The following COQ9 variants were observed in gnomAD, a reference collection of about 807,000 sequenced individuals.
COQ9 encodes the protein coenzyme Q9.
Under a neutral mutation model 42.4 loss-of-function variants are expected in COQ9, and 35 were observed. The ratio of observed to expected loss-of-function variants is 0.83; its 90% CI spans 0.63 to 1.10. COQ9 has a LOEUF of 1.10. Ranked by LOEUF, COQ9 falls within the 50% of genes least tolerant of loss-of-function variation. The probability of loss-of-function intolerance (pLI) is 0.00; values close to 1 mark genes in which losing one functional copy is unlikely to be tolerated. For synonymous variants in COQ9, 155 were observed against 155.1 expected, an observed-to-expected ratio of 1.00 and a Z score of 0.00; for missense variants, 406 against 414.6, an observed-to-expected ratio of 0.98 and a Z score of 0.18.
intron 1 of COQ9, among the ~76,000 whole-genome samples, chr16:57,448,666 G>A (rs2030200503): frequency 6.6e-6 from 1 of 152,066 alleles, no homozygotes; most frequent in African/African-American, 2.4e-5. Flanking sequence ...GCCTGCCTCA[G>A]CCTCCCAAAG....
intron 8 of COQ9, 64 bp downstream of exon 8, chr16:57,460,168 T>A (rs2030502889): frequency 6.7e-7 from 1 of 1,493,846 alleles, no homozygotes; most frequent in Non-Finnish European, 9.3e-7. Context: ...GATACATGTG[T>A]TACTGACTTC....
chr16:57,457,066 C>A, intron 5 of COQ9, 51 bp downstream of exon 5: 3 of 1,352,556 alleles, frequency 2.2e-6, no homozygotes, highest in Non-Finnish European at 3.2e-6. Context: ...TAATATTTAT[C>A]ATTCTCAGCA....
chr16:57,455,212 G>T (rs112411135), intron 3 of COQ9, among the ~76,000 whole-genome samples: 1 of 151,918 alleles, frequency 6.6e-6, no homozygotes, highest in African/African-American at 2.4e-5. Context: ...TAAGGTGAAG[G>T]CCATTGGAAG....
chr16:57,454,913 G>A (rs2030368144), intron 3 of COQ9, among the ~76,000 whole-genome samples: 1 of 152,142 alleles, frequency 6.6e-6, no homozygotes, highest in African/African-American at 2.4e-5. Flanking sequence ...ATCAGGCAAG[G>A]TCCTAAAGGT....
chr16:57,448,584 T>A (rs1164009407), intron 1 of COQ9, among the ~76,000 whole-genome samples: 1 of 151,996 alleles, frequency 6.6e-6, no homozygotes, highest in East Asian at 1.9e-4. Flanking sequence ...CCCAGCTAAT[T>A]TTTTATTTTT....
In COQ9 at chr16:57,456,809, G is replaced by A. The variant is rs223865; in HGVS notation, c.522-122G>A. On this transcript the variant is annotated intron_variant, in intron 4 of 8. Coordinates refer to ENST00000262507, the MANE Select transcript of COQ9 (RefSeq NM_020312.4). ...TGAAACCTGGCAGCCTGTCTCTGAC[G>A]GCTTTAGTCAGGCCAGCGTCAGGAG... The A allele has an allele frequency of 0.74, 942,039 of 1,273,434 alleles. 352,561 individuals are homozygous for A. The highest frequency in any genetic ancestry group is 0.94 in the African/African-American group (64,203 of 68,188). 78.9% of individuals were successfully genotyped at this position (1,273,434 alleles called of 1,614,324 possible). A position where few individuals can be genotyped will look rare whatever the true frequency, so the allele number is the denominator to read the frequency against.
chr16:57,454,079 C>T (rs2030348349), intron 3 of COQ9: 1 of 152,164 alleles, frequency 6.6e-6, no homozygotes, highest in Non-Finnish European at 1.5e-5. Flanking sequence ...GGGACCCGAT[C>T]ATTAGATCAG....
In COQ9 at chr16:57,453,073, C is replaced by A. The variant is rs55918522; in HGVS notation, c.378+137C>A. On this transcript the variant is annotated intron_variant, in intron 3 of 8. Coordinates refer to ENST00000262507, the MANE Select transcript of COQ9 (RefSeq NM_020312.4). ...AGCTGCAAGATTGACTGGTTTTTTTCCCCCAATAGGGTGGAACTGGCTTTA... is the reference window on the plus strand; with the variant it reads ...AGCTGCAAGATTGACTGGTTTTTTTACCCCAATAGGGTGGAACTGGCTTTA... 7.9e-6 allele frequency: 9 copies of A among 1,138,292 alleles called. No homozygotes were observed. The African/African-American group carries it at 1.2e-4, about 15-fold the overall frequency. The allele number at this position is 1,138,292 out of a possible 1,614,324, so 70.5% of individuals were successfully genotyped here. A position where few individuals can be genotyped will look rare whatever the true frequency, so the allele number is the denominator to read the frequency against.
chr16:57,456,904 C>G, intron 4 of COQ9, 27 bp from the exon 5 acceptor site: 1 of 1,591,850 alleles, frequency 6.3e-7, no homozygotes, highest in Non-Finnish European at 8.6e-7. Context: ...CACTCAGAGA[C>G]ACACTGTTTT....
At chr16:57,457,130 A>G (rs746761234) in intron 5 of COQ9, 115 bp downstream of exon 5, 11 of 841,206 alleles carry the variant, frequency 1.3e-5, no homozygotes, top group Non-Finnish European at 2.2e-5. Context: ...CTCAATCTCT[A>G]TAAACCCGAC....
intron 5 of COQ9, chr16:57,457,506 A>G (rs1192275108): frequency 1.0e-5 from 3 of 295,010 alleles, no homozygotes; most frequent in Non-Finnish European, 2.0e-5. Context: ...TTTAAAGCAT[A>G]TCACAGTATG....
At position 57,456,988 on chromosome 16, in the gene COQ9, G is replaced by A; in HGVS notation, c.579G>A (p.Leu193=). 2 of 1,614,024 alleles carry A rather than the reference G, an allele frequency of 1.2e-6. No individual in the cohort carries two copies. The highest frequency in any genetic ancestry group is 1.7e-6 in the Non-Finnish European group (2 of 1,179,920). The change falls in exon 5 of 9, where the codon CTG becomes CTA. Residue 193 remains leucine, a synonymous_variant. Transcript: ENST00000262507. ...CAGTGGAAACCAGACTGAGAATGCT[G>A]ATCCCATACATTGAGCACTGGCCCC... ...RDAVETRLRM[L]IPYIEHWPRA... is the part of the protein sequence containing the mutation.
chr16:57,451,304 T>G (rs2030283427), intron 2 of COQ9, 96 bp downstream of exon 2: 13 of 1,308,406 alleles, frequency 9.9e-6, no homozygotes, highest in African/African-American at 2.9e-5. Flanking sequence ...CTTTTGTACC[T>G]TCCTTCATTT....
chr16:57,447,717 C>T (rs2030161488), intron 1 of COQ9, 139 bp downstream of exon 1: 1 of 680,246 alleles, frequency 1.5e-6, no homozygotes, highest in East Asian at 3.4e-5. Flanking sequence ...TCGGCGCGGG[C>T]TCGGGCGAGC....
chr16:57,448,926 C>T (rs2030210719), intron 1 of COQ9, among the ~76,000 whole-genome samples: 2 of 152,006 alleles, frequency 1.3e-5, no homozygotes, highest in African/African-American at 4.8e-5. Flanking sequence ...TACTATTCTG[C>T]AATAAAAACT....
intron 1 of COQ9, among the ~76,000 whole-genome samples, chr16:57,449,269 G>A (rs145853000): frequency 6.6e-6 from 1 of 152,286 alleles, no homozygotes; most frequent in East Asian, 1.9e-4. Context: ...TTTTTTGACA[G>A]CCTTGAGTTT....
Position 57,448,255 on chromosome 16 carries a change from C to A in COQ9, c.73+677C>A, listed in dbSNP as rs575611482. Among the ~76,000 whole-genome samples the A allele has an allele frequency of 1.1e-4, 16 of 152,180 alleles. No homozygotes were observed. In the East Asian group the frequency reaches 2.7e-3, roughly 26 times the overall value. On this transcript the variant is annotated intron_variant, in intron 1 of 8. Transcript: ENST00000262507. ...TACTTTGCATCTGCTCCTTCCTTTTCAAAGTTTTGCGGATATTTGTGCCGT... is the reference window on the plus strand; with the variant it reads ...TACTTTGCATCTGCTCCTTCCTTTTAAAAGTTTTGCGGATATTTGTGCCGT...
In COQ9 at chr16:57,447,664, G is replaced by A. The variant is rs1365091010; in HGVS notation, c.73+86G>A. 3 of 1,129,082 alleles carry A rather than the reference G, an allele frequency of 2.7e-6. No homozygotes were observed. The Admixed American group carries it at 1.3e-4, about 48-fold the overall frequency. 69.9% of individuals were successfully genotyped at this position (1,129,082 alleles called of 1,614,324 possible). ...CAGCTGGGTTCGACGGTGGGGGGAA[G>A]AGGCCGTTGGGGCGGCCCACGAGCA... On this transcript the variant is annotated intron_variant, in intron 1 of 8. Coordinates refer to ENST00000262507, the MANE Select transcript of COQ9 (RefSeq NM_020312.4).
chr16:57,458,288 C>T lies in COQ9; in HGVS notation c.649C>T (p.Leu217=), dbSNP rs373923964. ...LMLPHNIPSS[L]SLLTSMVDDM... is the part of the protein sequence containing the mutation. ...GCTCCCTCACAACATCCCGTCCAGC[C>T]TGAGCCTGCTCACCAGCATGGTGGA... Residue 217 remains leucine, a synonymous_variant, in exon 6 of 9, where the codon CTG becomes TTG. Coordinates refer to ENST00000262507, the MANE Select transcript of COQ9 (RefSeq NM_020312.4). 5 of 1,612,830 alleles carry T rather than the reference C, an allele frequency of 3.1e-6. No individual in the cohort carries two copies. Among genetic ancestry groups the T allele is most frequent in the Non-Finnish European group, 4.2e-6 (5 of 1,179,508 alleles).
Sources: gnomAD v4.1 joint callset for allele counts (sites outside exome capture counted in the v4.1 genomes callset) on GRCh38, gnomAD v4.1.1 for gene constraint, MANE v1.5 for transcripts, NCBI Gene and HGNC (gene_info 2026-07-23, HGNC 2026-07-21) for gene names.